The following EPHA3 variants were observed in gnomAD, a reference collection of about 807,000 sequenced individuals.
EPHA3 encodes the protein ephrin type-A receptor 3.
In EPHA3, 42 loss-of-function variants were observed where a neutral mutation model predicts 107.1. The observed-to-expected ratio is 0.39, with a 90% CI of 0.31 to 0.51. The LOEUF is 0.51. Among genes scored for constraint, EPHA3 ranks in the 20% least tolerant of loss-of-function variants. EPHA3 has a pLI of 0.78. For missense variants in EPHA3, 1,183 were observed against 1,211.2 expected, an observed-to-expected ratio of 0.98 and a Z score of 0.35; for synonymous variants, 461 against 424.8, an observed-to-expected ratio of 1.09 and a Z score of -1.05.
In EPHA3 at chr3:89,341,881, G is replaced by A. The variant is rs1707532734; in HGVS notation, c.1097G>A (p.Cys366Tyr). The A allele has an allele frequency of 6.2e-7, 1 of 1,613,850 alleles. No individual in the cohort carries two copies. Among genetic ancestry groups the A allele is most frequent in the Non-Finnish European group, 8.5e-7 (1 of 1,179,992 alleles). ...ACCTTCAACATCATATGTAAAAAAT[G>A]TGGGTGGAATATAAAACAGTGTGAG... is the stretch of plus-strand genomic sequence containing the variant. Reference protein sequence around the residue: ...DVTFNIICKKCGWNIKQCEPC... With the variant: ...DVTFNIICKKYGWNIKQCEPC... Residue 366 changes from cysteine to tyrosine, a missense_variant, in exon 5 of 17, where the codon TGT becomes TAT. Physicochemically the swap from Cys to Tyr is radical, Grantham distance 194. Coordinates refer to ENST00000336596, the MANE Select transcript of EPHA3 (RefSeq NM_005233.6).
chr3:89,419,413 C>T (rs780053626), intron 11 of EPHA3, 23 bp downstream of exon 11: 2 of 1,547,342 alleles, frequency 1.3e-6, no homozygotes, highest in East Asian at 2.3e-5. Flanking sequence ...GTCATAAGAC[C>T]TGTGTTTCCG....
At chr3:89,385,073 A>G (rs1180002664) in intron 5 of EPHA3, among the ~76,000 whole-genome samples, 5 of 152,212 alleles carry the variant, frequency 3.3e-5, no homozygotes, top group African/African-American at 9.6e-5. Context: ...TTATACATAC[A>G]TATCTCCTCT....
Position 89,413,188 on chromosome 3 carries a change from G to A in EPHA3, c.1810G>A (p.Asp604Asn). The change falls in exon 10 of 17, where the codon GAC (aspartate) becomes AAC (asparagine). Residue 604 changes from aspartate to asparagine, a missense_variant. Coordinates refer to ENST00000336596, the MANE Select transcript of EPHA3 (RefSeq NM_005233.6). ...TTATGTTGACCCACATACATATGAA[G>A]ACCCTACCCAAGCTGTTCATGAGTT... ...RTYVDPHTYE[D>N]PTQAVHEFAK... 6.2e-7 allele frequency: 1 copy of A among 1,611,712 alleles called. No individual in the cohort carries two copies. Among genetic ancestry groups the A allele is most frequent in the Non-Finnish European group, 8.5e-7 (1 of 1,178,468 alleles).
chr3:89,263,539 T>C (rs1250959099), intron 3 of EPHA3, among the ~76,000 whole-genome samples: 2 of 152,216 alleles, frequency 1.3e-5, no homozygotes, highest in African/African-American at 2.4e-5. Flanking sequence ...GAAAAGGAGA[T>C]GGGGCAGGTA....
chr3:89,468,028 G>T (rs1045475498), intron 15 of EPHA3, among the ~76,000 whole-genome samples: 15 of 152,078 alleles, frequency 9.9e-5, no homozygotes, highest in Admixed American at 8.5e-4. Context: ...AAACGCCAAT[G>T]CCTGCAGCTG....
intron 5 of EPHA3, among the ~76,000 whole-genome samples, chr3:89,354,094 A>G (rs1317666017): frequency 6.6e-6 from 1 of 151,354 alleles, no homozygotes; most frequent in Non-Finnish European, 1.5e-5. Context: ...CCCCAAGGGC[A>G]AAAAATATTT....
intron 3 of EPHA3, among the ~76,000 whole-genome samples, chr3:89,338,722 T>C (rs1410359958): frequency 2.6e-5 from 4 of 152,172 alleles, no homozygotes; most frequent in Non-Finnish European, 4.4e-5. Context: ...CTAATATTTG[T>C]ATTTTTAGTA....
chr3:89,169,695 G>A (rs868010737), intron 2 of EPHA3, among the ~76,000 whole-genome samples: 10 of 152,058 alleles, frequency 6.6e-5, no homozygotes, highest in Non-Finnish European at 1.3e-4. Context: ...GGGATCATAT[G>A]GCTACATAAA....
At chr3:89,168,228 A>G (rs1395147396) in intron 2 of EPHA3, among the ~76,000 whole-genome samples, 4 of 152,148 alleles carry the variant, frequency 2.6e-5, no homozygotes, top group Admixed American at 6.5e-5. Context: ...TGAGGAAACA[A>G]TTTGAAATAA....
intron 3 of EPHA3, among the ~76,000 whole-genome samples, chr3:89,293,895 G>C (rs557111842): frequency 3.3e-5 from 5 of 152,124 alleles, no homozygotes; most frequent in Non-Finnish European, 7.4e-5. Context: ...TGTAGTTGTA[G>C]TGTGAAAGCA....
rs141455377 is a variant in EPHA3, at chr3:89,338,345, G to A, written c.815-2571G>A. 1.8e-4 allele frequency among the ~76,000 whole-genome samples: 27 copies of A among 152,286 alleles called. No homozygotes were observed. In the East Asian group the frequency reaches 4.5e-3, roughly 25 times the overall value. On this transcript the variant is annotated intron_variant, in intron 3 of 16. Coordinates refer to ENST00000336596, the MANE Select transcript of EPHA3 (RefSeq NM_005233.6). ...CTGGCCACTTCTACTATCTATGTAT[G>A]ATCTTTCTCAAATGGCGCTCCTTCT...
chr3:89,251,836 C>T (rs1022469601), intron 3 of EPHA3, among the ~76,000 whole-genome samples: 40 of 152,054 alleles, frequency 2.6e-4, no homozygotes, highest in African/African-American at 9.4e-4. Context: ...GCCATACATT[C>T]GATTTAATAG....
At chr3:89,173,525 GA>G (rs1460220596) in intron 2 of EPHA3, among the ~76,000 whole-genome samples, 1 of 151,752 alleles carries the variant, frequency 6.6e-6, no homozygotes, top group African/African-American at 2.4e-5. Flanking sequence ...ATATCCTAAA[GA>G]AAAAAATAGA....
intron 3 of EPHA3, among the ~76,000 whole-genome samples, chr3:89,214,760 TCTTCC>T (rs1198958940): frequency 6.6e-6 from 1 of 151,940 alleles, no homozygotes; most frequent in Non-Finnish European, 1.5e-5. Flanking sequence ...ATAGTATGAA[TCTTCC>T]CACTGATTTT....
At chr3:89,309,372 T>C (rs1239847144) in intron 3 of EPHA3, among the ~76,000 whole-genome samples, 5 of 152,154 alleles carry the variant, frequency 3.3e-5, no homozygotes, top group Non-Finnish European at 5.9e-5. Context: ...TGAGCCTATT[T>C]AGAAACCTCT....
At chr3:89,417,202 A>G (rs1399097902) in intron 10 of EPHA3, among the ~76,000 whole-genome samples, 1 of 151,460 alleles carries the variant, frequency 6.6e-6, no homozygotes, top group Non-Finnish European at 1.5e-5. Flanking sequence ...TGTCCCCCAT[A>G]GAGATAGGAA....
intron 6 of EPHA3, among the ~76,000 whole-genome samples, chr3:89,396,787 T>C (rs1271208661): frequency 5.9e-5 from 9 of 152,140 alleles, no homozygotes; most frequent in African/African-American, 1.4e-4. Context: ...TAAATGCAAA[T>C]TGTGCATTTA....
chr3:89,138,215 A>T (rs112129415), intron 2 of EPHA3, among the ~76,000 whole-genome samples: 114 of 148,812 alleles, frequency 7.7e-4, no homozygotes, highest in African/African-American at 2.9e-3. Context: ...GGAAGAGAAA[A>T]GACGCGTTTC....
intron 5 of EPHA3, among the ~76,000 whole-genome samples, chr3:89,347,590 A>C (rs1707701752): frequency 6.7e-6 from 1 of 149,752 alleles, no homozygotes; most frequent in Admixed American, 6.7e-5. Context: ...TCTTTTCCTA[A>C]TTGAATACCC....
Sources: allele counts gnomAD v4.1 joint callset (sites outside exome capture counted in the v4.1 genomes callset), GRCh38; gene constraint gnomAD v4.1.1; transcripts MANE v1.5; gene names NCBI Gene and HGNC (gene_info 2026-07-23, HGNC 2026-07-21).